Variants in ZNF257 observed in about 807,000 individuals in gnomAD.
ZNF257 encodes the protein bone marrow zinc finger 4.
In ZNF257, 12 loss-of-function variants were observed where a neutral mutation model predicts 11.9. The observed-to-expected ratio is 1.01, with a 90% CI of 0.65 to 1.63. ZNF257 has a LOEUF of 1.63. ZNF257 is among the 40% of genes most tolerant of loss of function. The pLI is 0.00. For synonymous variants in ZNF257, 183 were observed against 222.7 expected, an observed-to-expected ratio of 0.82 and a Z score of 1.59; for missense variants, 580 against 665.5, an observed-to-expected ratio of 0.87 and a Z score of 1.41.
At chr19:22,075,414 G>C (rs1460940698) in intron 3 of ZNF257, 1 of 152,346 alleles carries the variant, frequency 6.6e-6, no homozygotes, top group East Asian at 1.9e-4. Flanking sequence ...AGCTGGAACT[G>C]AGACTTTGAA....
chr19:22,076,948 A>G (rs1052849075), intron 3 of ZNF257, among the ~76,000 whole-genome samples: 3 of 152,154 alleles, frequency 2.0e-5, no homozygotes, highest in East Asian at 3.9e-4. Flanking sequence ...TTGGCCTCCC[A>G]ATATGCTGGG....
At position 22,088,700 on chromosome 19, in the gene ZNF257, A is replaced by G. The variant is rs767652530; in HGVS notation, c.950A>G (p.Lys317Arg). The change falls in exon 4 of 4, where the codon AAA becomes AGA. Residue 317 changes from lysine to arginine, a missense_variant. Coordinates refer to ENST00000594947, the MANE Select transcript of ZNF257 (RefSeq NM_033468.4). ...ATTCATACTGGAGAGAAACCCTACA[A>G]ATGTGAAGAGTGTGGCAAAGCCTTT... ...KRIHTGEKPY[K>R]CEECGKAFNQ... The G allele has an allele frequency of 1.9e-6, 3 of 1,613,076 alleles. No homozygotes were observed. The highest frequency in any genetic ancestry group is 2.7e-5 in the African/African-American group (2 of 74,636).
rs2145724282 is a variant in ZNF257 at position 22,090,146 on chromosome 19, TCA to T, written c.*707_*708del. The stretch of plus-strand genomic sequence containing the variant: ...ATGTGGAAAAGTCATTAATATTTGC[TCA>T]CATATTACACATCAGAGAGTTCATA... On this transcript the variant is annotated 3_prime_UTR_variant, in exon 4 of 4. Coordinates refer to ENST00000594947, the MANE Select transcript of ZNF257 (RefSeq NM_033468.4). 6.6e-6 allele frequency: 1 copy of T among 152,410 alleles called. No homozygotes were observed. The highest frequency in any genetic ancestry group is 2.4e-5 in the African/African-American group (1 of 41,534). The allele number at this position is 152,410 out of a possible 1,614,324, so 9.4% of individuals were successfully genotyped here. A position where few individuals can be genotyped will look rare whatever the true frequency, so the allele number is the denominator to read the frequency against.
In ZNF257 at chr19:22,066,817, A is replaced by G. The variant is rs150370139; in HGVS notation, c.4-5992A>G. 2.5e-3 allele frequency among the ~76,000 whole-genome samples: 386 copies of G among 152,280 alleles called. 2 individuals carry two copies. Among genetic ancestry groups the G allele is most frequent in the African/African-American group, 9.0e-3 (373 of 41,566 alleles). ...ATAGCATGGTGTTGTAAATTTTTCT[A>G]CTTATGGACTAATTATGATGAACAT... is the stretch of plus-strand genomic sequence containing the variant. On this transcript the variant is annotated intron_variant, in intron 1 of 3. Transcript: ENST00000594947.
At chr19:22,055,265 G>A (rs2145681973) in intron 1 of ZNF257, among the ~76,000 whole-genome samples, 1 of 152,270 alleles carries the variant, frequency 6.6e-6, no homozygotes, top group African/African-American at 2.4e-5. Context: ...GGAGTGCAGT[G>A]ACACCATCTT....
intron 1 of ZNF257, among the ~76,000 whole-genome samples, chr19:22,069,764 T>C (rs1333878153): frequency 1.3e-5 from 2 of 152,100 alleles, no homozygotes; most frequent in African/African-American, 4.8e-5. Context: ...ATTCTAGATA[T>C]CCTTAAGATA....
At chr19:22,063,058 T>C (rs1045768214) in intron 1 of ZNF257, among the ~76,000 whole-genome samples, 15 of 152,188 alleles carry the variant, frequency 9.9e-5, no homozygotes, top group African/African-American at 3.6e-4. Context: ...TTTTCTTTTG[T>C]GTGGAGTCTT....
chr19:22,071,805 A>G (rs1032685391), intron 1 of ZNF257, among the ~76,000 whole-genome samples: 2 of 152,130 alleles, frequency 1.3e-5, no homozygotes, highest in Non-Finnish European at 2.9e-5. Flanking sequence ...TGGAAGAAGA[A>G]AGGGGTTCTT....
At chr19:22,061,110 T>C (rs2021784554) in intron 1 of ZNF257, among the ~76,000 whole-genome samples, 2 of 152,066 alleles carry the variant, frequency 1.3e-5, no homozygotes, top group African/African-American at 2.4e-5. Flanking sequence ...TGGGCTCTTT[T>C]TTTTTTGTTC....
chr19:22,057,468 C>T lies in ZNF257; in HGVS notation c.3+4833C>T, dbSNP rs147184179. The stretch of plus-strand genomic sequence containing the variant: ...GAGAAGCTACAGAGCCCTGGAAAGC[C>T]GGGGATCCACAGGCAGATGCAGTTA... On this transcript the variant is annotated intron_variant, in intron 1 of 3. Coordinates refer to ENST00000594947, the MANE Select transcript of ZNF257 (RefSeq NM_033468.4). Among the ~76,000 whole-genome samples the T allele has an allele frequency of 5.2e-3, 796 of 151,940 alleles. 8 individuals are homozygous for T. Among genetic ancestry groups the T allele is most frequent in the African/African-American group, 0.018 (759 of 41,418 alleles).
Position 22,072,841 on chromosome 19 carries a change from A to G in ZNF257, c.36A>G (p.Glu12=). ...GPLTIRDVTV[E]FSLEEWHCLD... ...TGACAATTAGGGATGTGACTGTAGA[A>G]TTCTCTCTGGAGGAGTGGCATTGCC... Residue 12 remains glutamate, a synonymous_variant, in exon 2 of 4, where the codon GAA becomes GAG. Transcript: ENST00000594947. 6.2e-7 allele frequency: 1 copy of G among 1,613,184 alleles called. No individual in the cohort carries two copies. The highest frequency in any genetic ancestry group is 8.5e-7 in the Non-Finnish European group (1 of 1,179,598).
intron 1 of ZNF257, among the ~76,000 whole-genome samples, chr19:22,065,303 G>A (rs998369910): frequency 1.3e-5 from 2 of 151,730 alleles, no homozygotes; most frequent in Admixed American, 6.6e-5. Flanking sequence ...AGGTTCAAGC[G>A]ATTCTCCTGC....
chr19:22,052,559 C>A lies in ZNF257; in HGVS notation c.-74C>A. On this transcript the variant is annotated 5_prime_UTR_variant, in exon 1 of 4. Transcript: ENST00000594947. ...GTGTCCTCTTCTCCTAGGGGCCCAG[C>A]CTCTGTGGCCCTGTGACCTGCAGGT... 1 of 1,552,468 alleles carries A rather than the reference C, an allele frequency of 6.4e-7. No individual in the cohort carries two copies. Among genetic ancestry groups the A allele is most frequent in the Non-Finnish European group, 8.8e-7 (1 of 1,131,606 alleles).
intron 3 of ZNF257, among the ~76,000 whole-genome samples, chr19:22,079,524 G>A (rs2022311844): frequency 6.6e-6 from 1 of 152,134 alleles, no homozygotes; most frequent in Non-Finnish European, 1.5e-5. Context: ...AGCAAGTCAT[G>A]TCTTACATGG....
chr19:22,073,529 A>G lies in ZNF257; in HGVS notation c.191A>G (p.Asn64Ser), dbSNP rs745336834. The G allele has an allele frequency of 1.2e-6, 2 of 1,612,438 alleles. No individual in the cohort carries two copies. Among genetic ancestry groups the G allele is most frequent in the Non-Finnish European group, 1.7e-6 (2 of 1,179,264 alleles). Residue 64 changes from asparagine to serine, a missense_variant, in exon 3 of 4, where the codon AAT becomes AGT. Asn to Ser is a conservative substitution (Grantham distance 46). Coordinates refer to ENST00000594947, the MANE Select transcript of ZNF257 (RefSeq NM_033468.4). ...CTGGAGCAAGGAAAAGAGCCCTGTA[A>G]TATGAAGAGACATGAGATGGTAGCC... ...TCLEQGKEPC[N>S]MKRHEMVAKP...
At chr19:22,052,880 G>A (rs914914438) in intron 1 of ZNF257, among the ~76,000 whole-genome samples, 2 of 152,060 alleles carry the variant, frequency 1.3e-5, no homozygotes, top group African/African-American at 4.8e-5. Context: ...TCCCTCTCTC[G>A]GCAGCTCTGC....
At chr19:22,085,945 G>A (rs1018054655) in intron 3 of ZNF257, among the ~76,000 whole-genome samples, 1 of 152,060 alleles carries the variant, frequency 6.6e-6, no homozygotes, top group African/African-American at 2.4e-5. Context: ...TTAATTATTA[G>A]TTCTAAACTG....
At chr19:22,087,628 A>C (rs1391836289) in intron 3 of ZNF257, 17 of 1,185,416 alleles carry the variant, frequency 1.4e-5, no homozygotes, top group Non-Finnish European at 1.7e-5. Context: ...TCTTTTAAAT[A>C]GAAACAAGGA....
chr19:22,055,070 T>TAG, intron 1 of ZNF257, among the ~76,000 whole-genome samples: 1 of 152,254 alleles, frequency 6.6e-6, no homozygotes, highest in East Asian at 1.9e-4. Flanking sequence ...TCAGCTTCCA[T>TAG]TTCTTAGAGA....
Sources: gnomAD v4.1 joint callset for allele counts (sites outside exome capture counted in the v4.1 genomes callset) on GRCh38, gnomAD v4.1.1 for gene constraint, MANE v1.5 for transcripts, NCBI Gene and HGNC (gene_info 2026-07-23, HGNC 2026-07-21) for gene names.